Variants in ZKSCAN7 observed in about 807,000 individuals in gnomAD.
ZKSCAN7 encodes the protein zinc finger protein with KRAB and SCAN domains 7.
Under a neutral mutation model 65.3 loss-of-function variants are expected in ZKSCAN7, and 38 were observed. The observed-to-expected ratio is 0.58, with a 90% CI of 0.45 to 0.76. ZKSCAN7 has a LOEUF of 0.76. Ranked by LOEUF, ZKSCAN7 falls within the 30% of genes least tolerant of loss-of-function variation. The probability of loss-of-function intolerance (pLI) is 0.00; values close to 1 mark genes in which losing one functional copy is unlikely to be tolerated. For missense variants in ZKSCAN7, 815 were observed against 913.3 expected (o/e 0.89, Z 1.39); for synonymous variants, 321 against 321.0 (o/e 1.00, Z 0.00).
chr3:44,576,973 T>C (rs1311743144), downstream of ZKSCAN7, among the ~76,000 whole-genome samples: 1 of 152,208 alleles, frequency 6.6e-6, no homozygotes, highest in Admixed American at 6.5e-5. Flanking sequence ...ATCTTTTTTT[T>C]TTTTTTAAGT....
intron 5 of ZKSCAN7, chr3:44,582,968 C>T (rs1490152415): frequency 2.2e-6 from 1 of 446,038 alleles, no homozygotes; most frequent in Non-Finnish European, 4.5e-6. Flanking sequence ...CTCTTGTCTT[C>T]CAGGCTGGAG....
At chr3:44,568,268 C>T (rs371983607) in intron 4 of ZKSCAN7, 39 bp from the exon 5 acceptor site, 3 of 1,601,170 alleles carry the variant, frequency 1.9e-6, no homozygotes, top group Non-Finnish European at 2.6e-6. Flanking sequence ...GCCCTTCAGG[C>T]TGTGAATGTT....
intron 2 of ZKSCAN7, among the ~76,000 whole-genome samples, chr3:44,563,262 C>T (rs1699534428): frequency 1.3e-5 from 2 of 152,182 alleles, no homozygotes; most frequent in Non-Finnish European, 2.9e-5. Flanking sequence ...TCTTTTCAGC[C>T]CTCCAAACTG....
At chr3:44,582,907 CGTGTGTGT>C (rs4016043) in intron 5 of ZKSCAN7, 4,687 of 353,260 alleles carry the variant, frequency 0.013, 13 homozygotes, top group Middle Eastern at 0.026. Context: ...CATGAATATT[CGTGTGTGT>C]GTGTGTGTGT....
intron 5 of ZKSCAN7, chr3:44,580,492 T>C: frequency 1.2e-6 from 2 of 1,609,408 alleles, no homozygotes; most frequent in Non-Finnish European, 1.7e-6. Context: ...CTGCTGCTGG[T>C]GGTAACAGCC....
In ZKSCAN7 at chr3:44,569,846, T is replaced by C. The variant is rs940375699; in HGVS notation, c.812-76T>C. ...CCATAATGTGACTTTTTTTCAGGTA[T>C]GTTAGCTCTTAATGATTCTCTTTCT... On this transcript the variant is annotated intron_variant, in intron 5 of 5. Transcript: ENST00000426540. The C allele has an allele frequency of 1.2e-5, 18 of 1,462,844 alleles. No individual in the cohort carries two copies. The Admixed American group carries it at 2.9e-4, about 23-fold the overall frequency. 90.6% of individuals were successfully genotyped at this position (1,462,844 alleles called of 1,614,324 possible).
Position 44,579,390 on chromosome 3 carries a change from G to A in ZKSCAN7, c.812-3582G>A, listed in dbSNP as rs562661961. Among the ~76,000 whole-genome samples, 97 of 152,322 alleles carry A rather than the reference G, an allele frequency of 6.4e-4. No individual in the cohort carries two copies. In the Middle Eastern group the frequency reaches 0.017, roughly 27 times the overall value. ...TGATTCAGGGCCTGCTGGATGGGAC[G>A]GAACTCAGCCCAGTCAAAGGTCTTG... is the stretch of plus-strand genomic sequence containing the variant. On this transcript the variant is annotated intron_variant, in intron 5 of 5. Coordinates refer to the ZKSCAN7 transcript ENST00000341840.
At chr3:44,577,588 G>T (rs966471776) in intron 5 of ZKSCAN7, among the ~76,000 whole-genome samples, 6 of 152,178 alleles carry the variant, frequency 3.9e-5, no homozygotes, top group Non-Finnish European at 8.8e-5. Flanking sequence ...CACATGGTGA[G>T]ACAGGGTAGC....
chr3:44,575,301 T>G (rs1257070791), downstream of ZKSCAN7, among the ~76,000 whole-genome samples: 1 of 152,108 alleles, frequency 6.6e-6, no homozygotes, highest in African/African-American at 2.4e-5. Context: ...TCTTAAAAAA[T>G]AATCTGCATG....
At chr3:44,568,599 A>C in intron 5 of ZKSCAN7, 166 bp downstream of exon 5, 1 of 985,164 alleles carries the variant, frequency 1.0e-6, no homozygotes, top group Non-Finnish European at 1.4e-6. Flanking sequence ...TTCAACAGTG[A>C]TCAGCATACT....
downstream of ZKSCAN7, among the ~76,000 whole-genome samples, chr3:44,572,460 T>C (rs947037439): frequency 2.6e-4 from 40 of 151,318 alleles, no homozygotes; most frequent in African/African-American, 8.8e-4. Context: ...AGGTATTGGG[T>C]TGGGCAGTCA....
chr3:44,556,706 G>A (rs1264570999), intron 1 of ZKSCAN7, among the ~76,000 whole-genome samples: 1 of 152,198 alleles, frequency 6.6e-6, no homozygotes, highest in Non-Finnish European at 1.5e-5. Flanking sequence ...GGTAAGGCCA[G>A]GTTGTGAAGG....
intron 5 of ZKSCAN7, chr3:44,580,456 C>T (rs578078703): frequency 1.2e-6 from 2 of 1,603,342 alleles, no homozygotes; most frequent in South Asian, 2.2e-5. Flanking sequence ...GGGACTTTCT[C>T]AGCACTGGGG....
rs779848506 is a variant in ZKSCAN7 at position 44,571,405 on chromosome 3, A to T, written c.*30A>T. 7.5e-6 allele frequency: 12 copies of T among 1,610,542 alleles called. No homozygotes were observed. The highest frequency in any genetic ancestry group is 3.3e-4 in the Middle Eastern group (2 of 6,062). On this transcript the variant is annotated 3_prime_UTR_variant, in exon 6 of 6. Coordinates refer to ENST00000426540, the MANE Select transcript of ZKSCAN7 (RefSeq NM_001288590.2). ...TGGTTCTCTGAGACAGAGAGCAACG[A>T]CCTTTGAGTTAAGCTGTCTTTATAA...
chr3:44,570,645 G>A lies in ZKSCAN7; in HGVS notation c.1535G>A (p.Arg512Gln), dbSNP rs61753455. ...TTCATTCGAAGCAAAAGTCTTGCTC[G>A]ACATCAGGTCCTGCACACTGGTAAG... The part of the protein sequence containing the change: ...EAFIRSKSLA[R>Q]HQVLHTGKKP... The change falls in exon 6 of 6, where the codon CGA becomes CAA. Residue 512 changes from arginine (R) to glutamine (Q), a missense_variant. By Grantham distance (43) the Arg-to-Gln change is conservative. Coordinates refer to ENST00000426540, the MANE Select transcript of ZKSCAN7 (RefSeq NM_001288590.2). 9.8e-4 allele frequency: 1,583 copies of A among 1,613,864 alleles called. 4 individuals are homozygous for A. In the African/African-American group the frequency reaches 0.013, roughly 14 times the overall value.
At chr3:44,562,347 C>T (rs925285565) in intron 2 of ZKSCAN7, among the ~76,000 whole-genome samples, 1 of 152,196 alleles carries the variant, frequency 6.6e-6, no homozygotes, top group Admixed American at 6.5e-5. Flanking sequence ...CTGGGCCTAG[C>T]CCATGAAACC....
Position 44,556,915 on chromosome 3 carries a change from C to A in ZKSCAN7, c.-118-15C>A. On this transcript the variant is annotated splice_polypyrimidine_tract_variant and intron_variant, in intron 1 of 5. Transcript: ENST00000426540. ...GAATACTCCAAGAACTCTGATTTCA[C>A]TCTTGTTTCTGTAGGCCACACTACC... 8.4e-7 allele frequency: 1 copy of A among 1,196,026 alleles called. No homozygotes were observed. Among genetic ancestry groups the A allele is most frequent in the Non-Finnish European group, 1.2e-6 (1 of 827,852 alleles). The allele number at this position is 1,196,026 out of a possible 1,614,324, so 74.1% of individuals were successfully genotyped here.
chr3:44,581,156 C>T lies in ZKSCAN7; in HGVS notation c.812-1816C>T, dbSNP rs939596345. ...AGGCCCTGACCGGCCTCCTTCCCTG[C>T]GGGCGGCTCGCTGCACGCGCCGAGG... On this transcript the variant is annotated intron_variant, in intron 5 of 5. Transcript: ENST00000341840. 136 of 913,998 alleles carry T rather than the reference C, an allele frequency of 1.5e-4. No individual in the cohort carries two copies. The African/African-American group carries it at 2.0e-3, about 14-fold the overall frequency. 56.6% of individuals were successfully genotyped at this position (913,998 alleles called of 1,614,324 possible).
chr3:44,569,009 A>G (rs1470522090), intron 5 of ZKSCAN7, among the ~76,000 whole-genome samples: 5 of 152,104 alleles, frequency 3.3e-5, no homozygotes, highest in South Asian at 4.1e-4. Context: ...GCTTCTCTCC[A>G]TGCGCCACTT....
Sources: gnomAD v4.1 joint callset for allele counts (sites outside exome capture counted in the v4.1 genomes callset) on GRCh38, gnomAD v4.1.1 for gene constraint, MANE v1.5 for transcripts, NCBI Gene and HGNC (gene_info 2026-07-23, HGNC 2026-07-21) for gene names.